The following CYB5A variants were observed in gnomAD, a reference collection of about 807,000 sequenced individuals.
CYB5A encodes the protein cytochrome b5.
In CYB5A, 10 loss-of-function variants were observed where a neutral mutation model predicts 16.2. The ratio of observed to expected loss-of-function variants is 0.62; its 90% CI spans 0.38 to 1.04. CYB5A has a LOEUF of 1.04. Among genes scored for constraint, CYB5A ranks in the 50% least tolerant of loss-of-function variants. The probability of loss-of-function intolerance (pLI) is 0.01; values close to 1 mark genes in which losing one functional copy is unlikely to be tolerated. For missense variants in CYB5A, 161 were observed against 165.9 expected (o/e 0.97, Z 0.16); for synonymous variants, 62 against 57.0 (o/e 1.09, Z -0.40).
chr18:74,279,597 G>T (rs1237733820), intron 1 of CYB5A, among the ~76,000 whole-genome samples: 6 of 152,104 alleles, frequency 3.9e-5, no homozygotes, highest in African/African-American at 1.4e-4. Context: ...CCTACGCTCA[G>T]CCCAGAGGTG....
rs1336492859 is a variant in CYB5A, at chr18:74,252,505, G to A, written c.*1079C>T. Reference sequence around the variant, plus strand: ...TTAGAAAACCAGCCTTTCCTTAGAAGAGTTTACAAACAATTCTACTCTCTG... The same window carrying A: ...TTAGAAAACCAGCCTTTCCTTAGAAAAGTTTACAAACAATTCTACTCTCTG... On this transcript the variant is annotated 3_prime_UTR_variant, in exon 5 of 5. Coordinates refer to ENST00000340533, the MANE Select transcript of CYB5A (RefSeq NM_148923.4). 1 of 152,172 alleles carries A rather than the reference G, an allele frequency of 6.6e-6. No homozygotes were observed. The highest frequency in any genetic ancestry group is 1.5e-5 in the Non-Finnish European group (1 of 68,036). The allele number at this position is 152,172 out of a possible 1,614,324, so 9.4% of individuals were successfully genotyped here.
Position 74,255,784 on chromosome 18 carries a change from CG to C in CYB5A, c.289-10del. 1 of 1,607,374 alleles carries C rather than the reference CG, an allele frequency of 6.2e-7. No homozygotes were observed. Among genetic ancestry groups the C allele is most frequent in the Admixed American group, 1.7e-5 (1 of 59,988 alleles). On this transcript the variant is annotated splice_polypyrimidine_tract_variant and intron_variant, in intron 3 of 4. Coordinates refer to ENST00000340533, the MANE Select transcript of CYB5A (RefSeq NM_148923.4). ...GTAGTGATAAGAGTTTCCTGAAACA[CG>C]AGAGGAAAAAGTAAAGTAAGTTCAA...
chr18:74,288,899 G>A (rs369326836), intron 1 of CYB5A, among the ~76,000 whole-genome samples: 1 of 152,182 alleles, frequency 6.6e-6, no homozygotes, highest in Non-Finnish European at 1.5e-5. Flanking sequence ...AGGTCGAATC[G>A]GGAGGTGCCC....
At chr18:74,267,697 G>T (rs989989857) in intron 1 of CYB5A, among the ~76,000 whole-genome samples, 46 of 152,302 alleles carry the variant, frequency 3.0e-4, no homozygotes, top group African/African-American at 1.1e-3. Flanking sequence ...TTAAGAAAAA[G>T]ACCAAAATGT....
At chr18:74,282,131 T>C (rs1168224962) in intron 1 of CYB5A, among the ~76,000 whole-genome samples, 1 of 152,196 alleles carries the variant, frequency 6.6e-6, no homozygotes, top group Non-Finnish European at 1.5e-5. Flanking sequence ...TCTGAGACTA[T>C]GTCACAATCC....
chr18:74,263,737 T>C (rs557577787), intron 1 of CYB5A, among the ~76,000 whole-genome samples: 1 of 151,998 alleles, frequency 6.6e-6, no homozygotes, highest in African/African-American at 2.4e-5. Flanking sequence ...TGAGACCCCA[T>C]AACTATAAAA....
intron 3 of CYB5A, chr18:74,257,332 A>C (rs1367885413): frequency 1.2e-5 from 2 of 169,282 alleles, no homozygotes; most frequent in African/African-American, 4.8e-5. Context: ...AAAGAGGGGA[A>C]CTTGAAATAA....
In CYB5A at chr18:74,291,918, G is replaced by C. The variant is rs547120179; in HGVS notation, c.-43C>G. On this transcript the variant is annotated 5_prime_UTR_variant, in exon 1 of 5. Transcript: ENST00000340533. Reference sequence around the variant, plus strand: ...CAGGCCCAGCACACACAGCCCCGTCGGGTGGAGCAGAGCGCGCGACTCAGC... The same window carrying C: ...CAGGCCCAGCACACACAGCCCCGTCCGGTGGAGCAGAGCGCGCGACTCAGC... 1.9e-5 allele frequency: 30 copies of C among 1,606,204 alleles called. No individual in the cohort carries two copies. Among genetic ancestry groups the C allele is most frequent in the East Asian group, 4.5e-5 (2 of 44,840 alleles).
rs1470500471 is a variant in CYB5A at position 74,250,865 on chromosome 18, TA to T, written c.*2718del. 2 of 152,060 alleles carry T rather than the reference TA, an allele frequency of 1.3e-5. No individual in the cohort carries two copies. Among genetic ancestry groups the T allele is most frequent in the Non-Finnish European group, 2.9e-5 (2 of 68,026 alleles). 9.4% of individuals were successfully genotyped at this position (152,060 alleles called of 1,614,324 possible). A position where few individuals can be genotyped will look rare whatever the true frequency, so the allele number is the denominator to read the frequency against. On this transcript the variant is annotated 3_prime_UTR_variant, in exon 5 of 5. Transcript: ENST00000340533. ...CCGCAGTGCAAAGTGAAAACAACTTTATTAAGAAAGTCAAGGAATAGGCCCG... is the reference window on the plus strand; with the variant it reads ...CCGCAGTGCAAAGTGAAAACAACTTTTTAAGAAAGTCAAGGAATAGGCCCG...
chr18:74,283,698 A>T (rs1351557794), intron 1 of CYB5A, among the ~76,000 whole-genome samples: 2 of 152,182 alleles, frequency 1.3e-5, no homozygotes, highest in Non-Finnish European at 2.9e-5. Context: ...AGTGGGATGC[A>T]CTTTTGCTTT....
chr18:74,254,344 G>C (rs1046288624), intron 4 of CYB5A, among the ~76,000 whole-genome samples: 1 of 150,490 alleles, frequency 6.6e-6, no homozygotes, highest in Non-Finnish European at 1.5e-5. Flanking sequence ...GGATTTAAAG[G>C]GTTAAGAAAC....
At chr18:74,260,870 A>C in intron 3 of CYB5A, 45 bp downstream of exon 3, 1 of 1,567,504 alleles carries the variant, frequency 6.4e-7, no homozygotes, top group Non-Finnish European at 8.8e-7. Flanking sequence ...ACAAGTATTA[A>C]ATACAACGAG....
In CYB5A at chr18:74,291,764, T is replaced by A. The variant is rs751875031; in HGVS notation, c.112A>T (p.Thr38Ser). Residue 38 changes from threonine to serine, a missense_variant, in exon 1 of 5, where the codon ACC becomes TCC. Coordinates refer to ENST00000340533, the MANE Select transcript of CYB5A (RefSeq NM_148923.4). ...LILHHKVYDL[T>S]KFLEEHPGGE... is the part of the protein sequence containing the mutation. ...CAACTCACCTCTTCCAGAAATTTGG[T>A]CAAATCGTACACCTTGTGGTGCAGG... 1.9e-6 allele frequency: 3 copies of A among 1,613,712 alleles called. No individual in the cohort carries two copies. In the Admixed American group the frequency reaches 5.0e-5, roughly 27 times the overall value.
At chr18:74,287,815 C>T (rs1279643091) in intron 1 of CYB5A, among the ~76,000 whole-genome samples, 1 of 152,174 alleles carries the variant, frequency 6.6e-6, no homozygotes, top group African/African-American at 2.4e-5. Flanking sequence ...CTTTCTCTCT[C>T]CCCTCCACAG....
At chr18:74,291,508 G>C (rs537227524) in intron 1 of CYB5A, among the ~76,000 whole-genome samples, 6 of 150,578 alleles carry the variant, frequency 4.0e-5, no homozygotes, top group African/African-American at 1.5e-4. Flanking sequence ...CTCGGGGAGC[G>C]CTCCCAGGTG....
intron 1 of CYB5A, among the ~76,000 whole-genome samples, chr18:74,276,314 T>C (rs1371358896): frequency 1.3e-5 from 2 of 152,030 alleles, no homozygotes; most frequent in Admixed American, 6.6e-5. Context: ...AGAGTTCAGT[T>C]CCCCCCACCT....
chr18:74,278,677 A>G (rs988741647), intron 1 of CYB5A, among the ~76,000 whole-genome samples: 3 of 152,346 alleles, frequency 2.0e-5, no homozygotes, highest in South Asian at 2.1e-4. Context: ...ATGGTTCTTA[A>G]AGGTTAGTTA....
chr18:74,263,368 A>T lies in CYB5A; in HGVS notation c.239T>A (p.Ile80Asn), dbSNP rs199623838. The change falls in exon 2 of 5, where the codon ATC becomes AAC. Residue 80 changes from isoleucine (I) to asparagine (N), a missense_variant. Coordinates refer to ENST00000340533, the MANE Select transcript of CYB5A (RefSeq NM_148923.4). ...TDAREMSKTF[I>N]IGELHPDDRP... ...ACTTACTGGATGGAGCTCCCCAATG[A>T]TGAATGTTTTGGACATTTCCCTGGC... The T allele has an allele frequency of 1.2e-6, 2 of 1,614,064 alleles. No homozygotes were observed. Among genetic ancestry groups the T allele is most frequent in the Non-Finnish European group, 1.7e-6 (2 of 1,179,972 alleles).
intron 4 of CYB5A, 43 bp from the exon 5 acceptor site, chr18:74,253,708 T>C (rs751050875): frequency 3.1e-6 from 4 of 1,285,528 alleles, no homozygotes; most frequent in African/African-American, 1.5e-5. Flanking sequence ...TGATGTGCAC[T>C]GTGGTGGACT....
Sources: allele counts gnomAD v4.1 joint callset (sites outside exome capture counted in the v4.1 genomes callset), GRCh38; gene constraint gnomAD v4.1.1; transcripts MANE v1.5; gene names NCBI Gene and HGNC (gene_info 2026-07-23, HGNC 2026-07-21).